BBX: variants seen among roughly 807,000 people sequenced by gnomAD.
BBX encodes the protein HMG box transcription factor BBX.
Under a neutral mutation model 100.2 loss-of-function variants are expected in BBX, and 30 were observed. The ratio of observed to expected loss-of-function variants is 0.30; its 90% confidence interval spans 0.22 to 0.41. The LOEUF is 0.41. BBX is among the 10% of genes least tolerant of loss of function. The probability of loss-of-function intolerance (pLI) is 1.00; values close to 1 mark genes in which losing one functional copy is unlikely to be tolerated. For synonymous variants in BBX, 376 were observed against 388.1 expected (o/e 0.97, Z 0.37); for missense variants, 1,023 against 1,129.8 (o/e 0.91, Z 1.35).
chr3:107,530,423 A>AACAG (rs1250535357), intron 2 of BBX, among the ~76,000 whole-genome samples: 1 of 152,062 alleles, frequency 6.6e-6, no homozygotes, highest in Non-Finnish European at 1.5e-5. Context: ...AACAAAACAG[A>AACAG]AAAACACAAA....
intron 3 of BBX, among the ~76,000 whole-genome samples, chr3:107,665,203 T>A (rs2107884287): frequency 6.6e-6 from 1 of 152,294 alleles, no homozygotes; most frequent in African/African-American, 2.4e-5. Flanking sequence ...AAGATGTAAA[T>A]ACAGTCAGCA....
intron 14 of BBX, among the ~76,000 whole-genome samples, chr3:107,790,178 A>G (rs1252452738): frequency 6.6e-6 from 1 of 152,040 alleles, no homozygotes. Context: ...TTGACCACTT[A>G]TCCATTTATT....
chr3:107,723,483 C>T (rs532785444), intron 5 of BBX, among the ~76,000 whole-genome samples: 21 of 151,888 alleles, frequency 1.4e-4, no homozygotes, highest in African/African-American at 5.1e-4. Flanking sequence ...CATATGTATA[C>T]ATGTGTCATG....
chr3:107,565,463 A>ATTTG (rs2050818243), intron 2 of BBX, among the ~76,000 whole-genome samples: 1 of 147,138 alleles, frequency 6.8e-6, no homozygotes, highest in East Asian at 2.0e-4. Flanking sequence ...TTATTTATTT[A>ATTTG]TTTATTTATT....
At chr3:107,652,995 G>A (rs765409038) in intron 3 of BBX, among the ~76,000 whole-genome samples, 2 of 152,166 alleles carry the variant, frequency 1.3e-5, no homozygotes, top group East Asian at 1.9e-4. Flanking sequence ...GTACATAGAA[G>A]TTGCTCAGTA....
rs568340347 is a variant in BBX, at chr3:107,695,831, A to G, written c.-9-14621A>G. ...TCCCATTATTAATGTGTGGGAGTCTAAGTCTCTTTGTAGGTCACTCAGGAC... is the reference window on the plus strand; with the variant it reads ...TCCCATTATTAATGTGTGGGAGTCTGAGTCTCTTTGTAGGTCACTCAGGAC... On this transcript the variant is annotated intron_variant, in intron 3 of 17. Transcript: ENST00000325805. Among the ~76,000 whole-genome samples the G allele has an allele frequency of 5.9e-4, 90 of 151,770 alleles. 1 individual carries two copies. In the South Asian group the frequency reaches 0.01, roughly 17 times the overall value.
intron 10 of BBX, among the ~76,000 whole-genome samples, chr3:107,762,586 G>A (rs946574879): frequency 6.6e-6 from 1 of 152,168 alleles, no homozygotes; most frequent in African/African-American, 2.4e-5. Flanking sequence ...TGTCTACATT[G>A]TTTTGGCAGA....
At position 107,773,502 on chromosome 3, in the gene BBX, C is replaced by G; in HGVS notation, c.1781C>G (p.Pro594Arg). ...CCCAGCCTATCAGGACAGGCCAAGC[C>G]TGAGGACAGTGACTGTCACAGAAAA... Reference protein sequence around the residue: ...LPPSLSGQAKPEDSDCHRKIE... With the variant: ...LPPSLSGQAKREDSDCHRKIE... Residue 594 changes from proline to arginine, a missense_variant, in exon 11 of 18, where the codon CCT (proline) becomes CGT (arginine). Physicochemically the swap from Pro to Arg is moderately radical, Grantham distance 103 (BLOSUM62 -2). This residue lies in a region of BBX where 348 missense variants were observed against 353.2 expected (regional missense o/e 0.99). Transcript: ENST00000325805. This position sits in a 1 kb window ranked among gnomAD's most constrained non-coding sequence, Gnocchi z 4.1. The G allele has an allele frequency of 6.2e-7, 1 of 1,614,100 alleles. No homozygotes were observed. The highest frequency in any genetic ancestry group is 8.5e-7 in the Non-Finnish European group (1 of 1,179,972).
intron 3 of BBX, among the ~76,000 whole-genome samples, chr3:107,664,793 G>C (rs771768210): frequency 1.3e-5 from 2 of 152,126 alleles, no homozygotes; most frequent in African/African-American, 4.8e-5. Context: ...CCTAATTCTT[G>C]TTGAGATAGA....
In BBX at chr3:107,643,697, A is replaced by T. The variant is rs548987486; in HGVS notation, c.-83-2139A>T. The stretch of plus-strand genomic sequence containing the variant: ...CCCTGCTGGCCCACCTGCCTTTCTG[A>T]TACCTCACATCACCACTCATTTCCG... On this transcript the variant is annotated intron_variant, in intron 2 of 17. Transcript: ENST00000325805. Among the ~76,000 whole-genome samples, 8 of 152,218 alleles carry T rather than the reference A, an allele frequency of 5.3e-5. No individual in the cohort carries two copies. The East Asian group carries it at 1.2e-3, about 22-fold the overall frequency.
intron 2 of BBX, among the ~76,000 whole-genome samples, chr3:107,638,944 G>A (rs1156545389): frequency 1.3e-5 from 2 of 151,820 alleles, no homozygotes; most frequent in South Asian, 2.1e-4. Context: ...AGCCAAGATT[G>A]CACCACTGCA....
At chr3:107,679,098 G>A (rs1422716794) in intron 3 of BBX, among the ~76,000 whole-genome samples, 1 of 151,234 alleles carries the variant, frequency 6.6e-6, no homozygotes, top group African/African-American at 2.4e-5. Flanking sequence ...AATTAAGCAG[G>A]ATGGTCTAGG....
intron 7 of BBX, among the ~76,000 whole-genome samples, chr3:107,737,886 T>TG (rs1294563458): frequency 1.1e-5 from 1 of 94,486 alleles, no homozygotes; most frequent in Non-Finnish European, 2.4e-5. Context: ...GAGTTCCAGT[T>TG]TTTTTTTTTT....
At chr3:107,550,133 A>G (rs2049549875) in intron 2 of BBX, among the ~76,000 whole-genome samples, 1 of 152,190 alleles carries the variant, frequency 6.6e-6, no homozygotes, top group South Asian at 2.1e-4. Flanking sequence ...GGTAAGATAC[A>G]TGCTCACAAG....
chr3:107,795,270 T>C (rs2069502326), intron 15 of BBX, among the ~76,000 whole-genome samples: 2 of 152,204 alleles, frequency 1.3e-5, no homozygotes, highest in Admixed American at 6.5e-5. Flanking sequence ...TCAGATCTAC[T>C]GTTTTGTTCC....
intron 2 of BBX, among the ~76,000 whole-genome samples, chr3:107,606,489 T>C (rs1328699454): frequency 6.6e-6 from 1 of 152,218 alleles, no homozygotes; most frequent in African/African-American, 2.4e-5. Context: ...GCTGGCATCA[T>C]ATCATAATAA....
intron 3 of BBX, among the ~76,000 whole-genome samples, chr3:107,688,266 C>T (rs1348682783): frequency 6.6e-6 from 1 of 152,170 alleles, no homozygotes; most frequent in Non-Finnish European, 1.5e-5. Flanking sequence ...TTCCTGTGAT[C>T]ACATCCCTTG....
At position 107,748,006 on chromosome 3, in the gene BBX, G is replaced by C. The variant is rs2064766221; in HGVS notation, c.792G>C (p.Gln264His). ...STSHSDASTK[Q>H]CQTSALFQFA... Reference sequence around the variant, plus strand: ...CCCACTCTGATGCTTCTACAAAGCAGTGTCAAACATCTGCCTTGTTTCAGT... The same window carrying C: ...CCCACTCTGATGCTTCTACAAAGCACTGTCAAACATCTGCCTTGTTTCAGT... Residue 264 changes from glutamine to histidine, a missense_variant, in exon 9 of 18, where the codon CAG becomes CAC. Gln to His is a conservative substitution (Grantham distance 24). Around this residue, in one of 9 missense-constraint regions of BBX, gnomAD observed 95 missense variants for 95.1 expected, o/e 1.00. Coordinates refer to ENST00000325805, the MANE Select transcript of BBX (RefSeq NM_001142568.3). 2 of 1,613,628 alleles carry C rather than the reference G, an allele frequency of 1.2e-6. No individual in the cohort carries two copies. Among genetic ancestry groups the C allele is most frequent in the East Asian group, 2.2e-5 (1 of 44,832 alleles).
At chr3:107,789,476 G>A (rs1006767730) in intron 13 of BBX, among the ~76,000 whole-genome samples, 3 of 152,112 alleles carry the variant, frequency 2.0e-5, no homozygotes, top group African/African-American at 7.2e-5. Context: ...CTCTATTACA[G>A]ACTCTAGCCA....
Sources: gnomAD v4.1 joint callset for allele counts (sites outside exome capture counted in the v4.1 genomes callset) on GRCh38, gnomAD v4.1.1 for gene constraint, gnomAD v4.1.1 regional missense constraint, Gnocchi (gnomAD v3.1) non-coding constraint, MANE v1.5 for transcripts, NCBI Gene and HGNC (gene_info 2026-07-23, HGNC 2026-07-21) for gene names.